PES1: variants seen among roughly 807,000 people sequenced by gnomAD.
PES1 encodes the protein pescadillo ribosomal biogenesis factor 1.
Under a neutral mutation model 77.1 loss-of-function variants are expected in PES1, and 31 were observed. The observed-to-expected ratio is 0.40, with a 90% CI of 0.30 to 0.54. The LOEUF is 0.54. PES1 is among the 20% of genes least tolerant of loss of function. The probability of loss-of-function intolerance (pLI) is 0.45; values close to 1 mark genes in which losing one functional copy is unlikely to be tolerated. For synonymous variants in PES1, 282 were observed against 303.0 expected, an observed-to-expected ratio of 0.93 and a Z score of 0.72; for missense variants, 658 against 771.7, an observed-to-expected ratio of 0.85 and a Z score of 1.75.
In PES1 at chr22:30,598,800, C is replaced by T. The variant is rs534657768; in HGVS notation, c.-660-6402G>A. Among the ~76,000 whole-genome samples the T allele has an allele frequency of 1.9e-4, 29 of 148,724 alleles. 1 individual carries two copies. In the South Asian group the frequency reaches 4.9e-3, roughly 25 times the overall value. On this transcript the variant is annotated intron_variant, in intron 2 of 16. Coordinates refer to the PES1 transcript ENST00000402281. The stretch of plus-strand genomic sequence containing the variant: ...TTACATATGTTGTATATTGTGTCTA[C>T]ATGGTACCAAGTTGACTTAAAAATA...
At chr22:30,584,214 G>T in intron 6 of PES1, 151 bp downstream of exon 6, 1 of 656,680 alleles carries the variant, frequency 1.5e-6, no homozygotes, top group Non-Finnish European at 2.7e-6. Flanking sequence ...TGAGGATGCT[G>T]TGTGGCACAT....
At chr22:30,585,083 A>G (rs995504743) in intron 4 of PES1, 1 of 391,484 alleles carries the variant, frequency 2.6e-6, no homozygotes, top group Non-Finnish European at 5.1e-6. Context: ...GACACTCTAC[A>G]GGGAGGTCCA....
At chr22:30,587,884 G>C (rs1024814657) in intron 3 of PES1, 137 bp downstream of exon 3, 2 of 826,700 alleles carry the variant, frequency 2.4e-6, no homozygotes, top group Non-Finnish European at 1.9e-6. Flanking sequence ...TTCCCTCCAA[G>C]TACTTCTGTT....
At chr22:30,594,180 T>C (rs1352134778), upstream of PES1, among the ~76,000 whole-genome samples, 2 of 152,226 alleles carry the variant, frequency 1.3e-5, no homozygotes, top group Non-Finnish European at 2.9e-5. Context: ...CAACACTAAC[T>C]GCATAAAGTA....
chr22:30,579,132 C>G lies in PES1; in HGVS notation c.1521+5G>C. 6.2e-7 allele frequency: 1 copy of G among 1,608,368 alleles called. No individual in the cohort carries two copies. On this transcript the variant is annotated splice_donor_5th_base_variant and intron_variant, in intron 13 of 14. Coordinates refer to ENST00000354694, the MANE Select transcript of PES1 (RefSeq NM_014303.4). ...GGCCAAGCCCCGCATTGCAGCTCCCCCTACCTTCCCCTCCATCCTCTGCTC... is the reference window on the plus strand; with the variant it reads ...GGCCAAGCCCCGCATTGCAGCTCCCGCTACCTTCCCCTCCATCCTCTGCTC...
intron 2 of PES1, among the ~76,000 whole-genome samples, chr22:30,604,916 T>G (rs2087414283): frequency 6.6e-6 from 1 of 152,132 alleles, no homozygotes; most frequent in African/African-American, 2.4e-5. Flanking sequence ...AATGATGTAA[T>G]CATTTTTGTT....
At chr22:30,589,374 G>A in intron 1 of PES1, 104 bp from the exon 2 acceptor site, 1 of 949,152 alleles carries the variant, frequency 1.1e-6, no homozygotes, top group South Asian at 1.5e-5. Context: ...CTGGATAAGT[G>A]GCTGAGATGA....
chr22:30,596,529 C>G (rs760661874), upstream of PES1, among the ~76,000 whole-genome samples: 16 of 151,644 alleles, frequency 1.1e-4, no homozygotes, highest in Non-Finnish European at 2.2e-4. Flanking sequence ...AAAAATCAAA[C>G]TGCCATGGAA....
At chr22:30,583,300 A>C (rs1025802838) in intron 6 of PES1, among the ~76,000 whole-genome samples, 5 of 152,186 alleles carry the variant, frequency 3.3e-5, no homozygotes, top group African/African-American at 9.7e-5. Context: ...TCACCACCAG[A>C]CAGCCAGTCA....
intron 2 of PES1, among the ~76,000 whole-genome samples, chr22:30,601,493 A>G (rs775874423): frequency 7.3e-5 from 11 of 151,462 alleles, no homozygotes; most frequent in Non-Finnish European, 1.3e-4. Context: ...TTGTATTTTT[A>G]ATACAGACAG....
Position 30,591,828 on chromosome 22 carries a change from T to C in PES1, c.6A>G (p.Gly2=). The change falls in exon 1 of 15, where the codon GGA becomes GGG. Residue 2 remains glycine (G), a synonymous_variant. Transcript: ENST00000354694. ...CAATCACCTTCTTCTTCTCAAGGCC[T>C]CCCATCGCTCCACGTTGAGGAGCCG... M[G]GLEKKKYERG... The C allele has an allele frequency of 5.8e-6, 9 of 1,562,216 alleles. No individual in the cohort carries two copies. Among genetic ancestry groups the C allele is most frequent in the East Asian group, 2.4e-5 (1 of 42,214 alleles).
chr22:30,589,355 A>G, intron 1 of PES1, 85 bp from the exon 2 acceptor site: 1 of 1,111,662 alleles, frequency 9.0e-7, no homozygotes, highest in South Asian at 1.4e-5. Flanking sequence ...TCCAGAGGCA[A>G]CTATCACTCT....
intron 14 of PES1, among the ~76,000 whole-genome samples, 166 bp downstream of exon 14, chr22:30,578,671 C>T (rs1602003065): frequency 4.6e-5 from 7 of 152,262 alleles, no homozygotes. Flanking sequence ...CCTACACTGG[C>T]CCAGGTCGGG....
intron 8 of PES1, 106 bp downstream of exon 8, chr22:30,581,228 C>T (rs1285514619): frequency 7.2e-7 from 1 of 1,380,590 alleles, no homozygotes; most frequent in East Asian, 2.3e-5. Context: ...GCTGAGACCA[C>T]CCACCTAGCC....
chr22:30,602,965 C>G (rs574649368), intron 2 of PES1, among the ~76,000 whole-genome samples: 9 of 152,150 alleles, frequency 5.9e-5, no homozygotes, highest in African/African-American at 1.9e-4. Context: ...GGCTGGAGTG[C>G]AGTGGCGTAA....
intron 2 of PES1, among the ~76,000 whole-genome samples, chr22:30,603,130 C>T (rs1478774059): frequency 6.6e-6 from 1 of 151,964 alleles, no homozygotes; most frequent in South Asian, 2.1e-4. Flanking sequence ...AGGCTGGTCT[C>T]GAACTCCTGA....
intron 1 of PES1, 82 bp downstream of exon 1, chr22:30,591,728 G>T: frequency 6.8e-7 from 1 of 1,473,908 alleles, no homozygotes. Context: ...CCACGAGACG[G>T]AGCCCGGGAA....
intron 14 of PES1, among the ~76,000 whole-genome samples, chr22:30,577,735 A>G (rs534885572): frequency 6.6e-6 from 1 of 152,050 alleles, no homozygotes; most frequent in South Asian, 2.1e-4. Flanking sequence ...GCCTCAAGTG[A>G]TCCTCCTGTC....
chr22:30,581,459 C>G, intron 7 of PES1, 51 bp from the exon 8 acceptor site: 1 of 1,606,154 alleles, frequency 6.2e-7, no homozygotes, highest in Non-Finnish European at 8.5e-7. Flanking sequence ...CAGCCCCTCG[C>G]CTCTGTGTGG....
Sources: gnomAD v4.1 joint callset for allele counts (sites outside exome capture counted in the v4.1 genomes callset) on GRCh38, gnomAD v4.1.1 for gene constraint, MANE v1.5 for transcripts, NCBI Gene and HGNC (gene_info 2026-07-23, HGNC 2026-07-21) for gene names.